Variants in KALRN observed in about 807,000 individuals in gnomAD.
The protein encoded by KALRN is kalirin.
Under a neutral mutation model 353.7 loss-of-function variants are expected in KALRN, and 70 were observed. The ratio of observed to expected loss-of-function variants is 0.20; its 90% confidence interval spans 0.16 to 0.24. The LOEUF (loss-of-function observed/expected upper bound fraction) is 0.24. Ranked by LOEUF, KALRN falls within the 10% of genes least tolerant of loss-of-function variation. The pLI is 1.00. For synonymous variants in KALRN, 1,391 were observed against 1,434.8 expected, an observed-to-expected ratio of 0.97 and a Z score of 0.69; for missense variants, 2,791 against 3,756.7, an observed-to-expected ratio of 0.74 and a Z score of 6.72.
intron 3 of KALRN, among the ~76,000 whole-genome samples, chr3:124,246,743 C>T (rs1292411242): frequency 1.3e-5 from 2 of 152,166 alleles, no homozygotes; most frequent in Non-Finnish European, 2.9e-5. Flanking sequence ...TGTCTGGTGT[C>T]ACCTTGATTA....
intron 33 of KALRN, among the ~76,000 whole-genome samples, chr3:124,539,922 T>TG (rs35035103): frequency 0.17 from 22,170 of 131,770 alleles, 2,043 homozygotes; most frequent in African/African-American, 0.33. Context: ...TAATTTTTTT[T>TG]GGGGGGGGGG....
intron 45 of KALRN, among the ~76,000 whole-genome samples, chr3:124,665,622 C>T (rs1252932294): frequency 6.6e-6 from 1 of 151,982 alleles, no homozygotes; most frequent in Non-Finnish European, 1.5e-5. Flanking sequence ...ACGCCACCAC[C>T]CCTGGCTAAT....
At chr3:124,382,871 C>T (rs991808421) in intron 10 of KALRN, among the ~76,000 whole-genome samples, 12 of 152,144 alleles carry the variant, frequency 7.9e-5, no homozygotes, top group Non-Finnish European at 1.6e-4. Flanking sequence ...CTACCCTTGC[C>T]TGTCATTCCC....
intron 33 of KALRN, among the ~76,000 whole-genome samples, chr3:124,512,126 G>T (rs2065974783): frequency 6.6e-6 from 1 of 152,228 alleles, no homozygotes; most frequent in African/African-American, 2.4e-5. Context: ...GTGTTCCTCA[G>T]TGTGTTTCCC....
At chr3:124,646,683 G>A (rs12495013) in intron 37 of KALRN, among the ~76,000 whole-genome samples, 5,408 of 140,220 alleles carry the variant, frequency 0.039, 517 homozygotes, top group East Asian at 0.36. Flanking sequence ...GAGCCACTGC[G>A]CCCGGCCTCT....
rs1208255204 is a variant in KALRN, at chr3:124,069,311, TAGGAGGAGGAGGAGGAGG to T, written c.73+35542_73+35559del. Among the ~76,000 whole-genome samples the T allele has an allele frequency of 5.1e-3, 110 of 21,422 alleles. 3 individuals are homozygous for T. The highest frequency in any genetic ancestry group is 0.018 in the African/African-American group (106 of 5,842). 14.1% of individuals were successfully genotyped at this position (21,422 alleles called of 152,430 possible). A position where few individuals can be genotyped will look rare whatever the true frequency, so the allele number is the denominator to read the frequency against. On this transcript the variant is annotated intron_variant, in intron 1 of 59. Coordinates refer to ENST00000682506, the MANE Select transcript of KALRN (RefSeq NM_001388419.1). Reference sequence around the variant, plus strand: ...GGAGGGAAAGGAACTCATGGAAACCTAGGAGGAGGAGGAGGAGGAGGAGGAGGAGGAGGAGGAGGAGGA... The same window carrying T: ...GGAGGGAAAGGAACTCATGGAAACCTAGGAGGAGGAGGAGGAGGAGGAGGA...
chr3:124,066,143 A>T (rs528142574), intron 1 of KALRN, among the ~76,000 whole-genome samples: 2 of 152,210 alleles, frequency 1.3e-5, no homozygotes, highest in Non-Finnish European at 2.9e-5. Flanking sequence ...AGCATATTAG[A>T]CAATGACATG....
intron 33 of KALRN, among the ~76,000 whole-genome samples, chr3:124,511,984 G>A (rs764671219): frequency 4.6e-5 from 7 of 152,326 alleles, no homozygotes; most frequent in Admixed American, 1.3e-4. Context: ...ACAGGCTTAT[G>A]ATTGCTACTG....
chr3:124,712,662 A>G (rs1293156155), intron 57 of KALRN, among the ~76,000 whole-genome samples: 1 of 149,800 alleles, frequency 6.7e-6, no homozygotes, highest in Admixed American at 6.6e-5. Flanking sequence ...CTCAGAAAAA[A>G]AAAAAAAAAA....
intron 37 of KALRN, among the ~76,000 whole-genome samples, chr3:124,638,526 C>A (rs1170374622): frequency 6.6e-6 from 1 of 152,186 alleles, no homozygotes; most frequent in Non-Finnish European, 1.5e-5. Flanking sequence ...AACCTATATA[C>A]CCTCTTCATT....
At chr3:124,575,808 C>A (rs1246211127) in intron 34 of KALRN, among the ~76,000 whole-genome samples, 3 of 152,322 alleles carry the variant, frequency 2.0e-5, no homozygotes, top group African/African-American at 7.2e-5. Flanking sequence ...TAAGAACACC[C>A]ACCATTACAC....
intron 1 of KALRN, among the ~76,000 whole-genome samples, chr3:124,215,089 G>A (rs2077204814): frequency 6.6e-6 from 1 of 152,188 alleles, no homozygotes; most frequent in Non-Finnish European, 1.5e-5. Flanking sequence ...AACAAGGCCT[G>A]CCAACTGCTG....
At chr3:124,589,724 T>C (rs766666596) in intron 34 of KALRN, among the ~76,000 whole-genome samples, 1 of 152,246 alleles carries the variant, frequency 6.6e-6, no homozygotes, top group Non-Finnish European at 1.5e-5. Context: ...TTATTTAGCA[T>C]ATACAGTTGT....
chr3:124,461,809 T>C (rs2059892292), intron 23 of KALRN, 81 bp from the exon 24 acceptor site: 1 of 970,652 alleles, frequency 1.0e-6, no homozygotes, highest in African/African-American at 1.6e-5. Flanking sequence ...ATGTCATACA[T>C]GCTGGGGTGG....
At chr3:124,225,958 G>A (rs2078444596) in intron 1 of KALRN, among the ~76,000 whole-genome samples, 2 of 152,206 alleles carry the variant, frequency 1.3e-5, no homozygotes, top group Admixed American at 6.5e-5. Flanking sequence ...AGACAGGACT[G>A]AAATTTAACT....
At chr3:124,606,135 A>G (rs547389184) in intron 34 of KALRN, among the ~76,000 whole-genome samples, 1 of 152,260 alleles carries the variant, frequency 6.6e-6, no homozygotes, top group Admixed American at 6.5e-5. Flanking sequence ...GAACTTAAGC[A>G]TACTGAAACT....
At position 124,284,377 on chromosome 3, in the gene KALRN, T is replaced by C. The variant is rs537953812; in HGVS notation, c.970-14414T>C. Among the ~76,000 whole-genome samples, 101 of 152,332 alleles carry C rather than the reference T, an allele frequency of 6.6e-4. 1 individual carries two copies. In the South Asian group the frequency reaches 0.02, roughly 31 times the overall value. ...CTGCTGCTTTAAACCTCCAGGCCTT[T>C]GCTTAAGCTATTTCCTCTGATTAAA... On this transcript the variant is annotated intron_variant, in intron 5 of 59. Transcript: ENST00000682506.
At chr3:124,235,274 G>A (rs1417930203) in intron 3 of KALRN, among the ~76,000 whole-genome samples, 1 of 152,128 alleles carries the variant, frequency 6.6e-6, no homozygotes, top group Non-Finnish European at 1.5e-5. Context: ...ATTGGTTCTT[G>A]GGGATAGCAA....
chr3:124,068,959 T>C (rs1480646761), intron 1 of KALRN, among the ~76,000 whole-genome samples: 1 of 152,148 alleles, frequency 6.6e-6, no homozygotes. Context: ...GACTGAAGAC[T>C]GAGGATGTAA....
Sources: gnomAD v4.1 joint callset for allele counts (sites outside exome capture counted in the v4.1 genomes callset) on GRCh38, gnomAD v4.1.1 for gene constraint, MANE v1.5 for transcripts, NCBI Gene and HGNC (gene_info 2026-07-23, HGNC 2026-07-21) for gene names.